Variants in CHRM3 observed in about 807,000 individuals in gnomAD.
CHRM3 encodes muscarinic acetylcholine receptor M3.
A neutral mutation model predicts 41.8 loss-of-function variants in CHRM3; 11 were observed. The ratio of observed to expected loss-of-function variants is 0.26; its 90% CI spans 0.17 to 0.44. The LOEUF is 0.44. CHRM3 is among the 20% of genes least tolerant of loss of function. The pLI is 1.00. For missense variants in CHRM3, 571 were observed against 745.4 expected (o/e 0.77, Z 2.72); for synonymous variants, 297 against 301.4 (o/e 0.99, Z 0.15).
chr1:239,607,345 T>C (rs942979712), intron 3 of CHRM3, among the ~76,000 whole-genome samples: 8 of 151,716 alleles, frequency 5.3e-5, no homozygotes, highest in African/African-American at 1.9e-4. Context: ...ACAAAAAAAA[T>C]GTTATTCTTT....
At chr1:239,400,209 G>A (rs890868143) in intron 1 of CHRM3, among the ~76,000 whole-genome samples, 10 of 152,140 alleles carry the variant, frequency 6.6e-5, no homozygotes, top group Admixed American at 2.0e-4. Context: ...ACTCTTGGCC[G>A]CTAGTTTTAT....
In CHRM3 at chr1:239,618,667, A is replaced by G. The variant is rs933163427; in HGVS notation, c.-312-13557A>G. 9.3e-5 allele frequency among the ~76,000 whole-genome samples: 14 copies of G among 150,628 alleles called. No individual in the cohort carries two copies. In the South Asian group the frequency reaches 1.0e-3, roughly 11 times the overall value. ...AGACCATCCTGGCTAACACGGTGAA[A>G]CCCCGTCTCTACTAAAAATACAAAA... On this transcript the variant is annotated intron_variant, in intron 3 of 6. Coordinates refer to ENST00000676153, the MANE Select transcript of CHRM3 (RefSeq NM_001375978.1).
chr1:239,706,681 C>T (rs1313906104), intron 5 of CHRM3, among the ~76,000 whole-genome samples: 4 of 151,160 alleles, frequency 2.6e-5, no homozygotes, highest in African/African-American at 9.8e-5. Flanking sequence ...TGTACACACA[C>T]GGAGGCATGC....
chr1:239,487,629 T>C (rs540403020), intron 1 of CHRM3, among the ~76,000 whole-genome samples: 150 of 152,216 alleles, frequency 9.9e-4, no homozygotes, highest in African/African-American at 3.5e-3. Flanking sequence ...TGTGAAAATG[T>C]CAATTCTTTA....
rs146450932 is a variant in CHRM3, at chr1:239,655,923, G to A, written c.-249-22263G>A. On this transcript the variant is annotated intron_variant, in intron 4 of 6. Coordinates refer to ENST00000676153, the MANE Select transcript of CHRM3 (RefSeq NM_001375978.1). ...ACTAATCCAGATTTCCATCAATGAT[G>A]GATTAGATAAATAAAACGTGGTACT... Among the ~76,000 whole-genome samples, 78 of 152,214 alleles carry A rather than the reference G, an allele frequency of 5.1e-4. No homozygotes were observed. In the East Asian group the frequency reaches 0.012, roughly 23 times the overall value.
chr1:239,742,660 A>G (rs946736631), intron 5 of CHRM3, among the ~76,000 whole-genome samples: 2 of 152,214 alleles, frequency 1.3e-5, no homozygotes, highest in African/African-American at 4.8e-5. Context: ...CAGGAAGAGC[A>G]GCAAACAAGT....
intron 6 of CHRM3, among the ~76,000 whole-genome samples, chr1:239,859,819 TTATATATATATATATATATATA>T (rs55700294): frequency 7.6e-6 from 1 of 131,424 alleles, no homozygotes; most frequent in African/African-American, 3.0e-5. Flanking sequence ...TCTAAGTGTT[TTATATATATATATATATATATA>T]TATATATATA....
At chr1:239,573,041 G>T (rs1454457227) in intron 3 of CHRM3, among the ~76,000 whole-genome samples, 4 of 152,052 alleles carry the variant, frequency 2.6e-5, no homozygotes, top group Admixed American at 2.6e-4. Context: ...CATTTGGAGG[G>T]TTTGGCCCTA....
intron 6 of CHRM3, among the ~76,000 whole-genome samples, chr1:239,889,457 C>CT (rs1024702121): frequency 6.6e-6 from 1 of 152,106 alleles, no homozygotes; most frequent in African/African-American, 2.4e-5. Context: ...CTAGGTAGCC[C>CT]TTTTCTATTG....
intron 3 of CHRM3, among the ~76,000 whole-genome samples, chr1:239,613,547 A>C (rs1667295871): frequency 6.6e-6 from 1 of 152,228 alleles, no homozygotes; most frequent in Non-Finnish European, 1.5e-5. Context: ...CACAGACAAA[A>C]AGGAGAAGCC....
intron 3 of CHRM3, among the ~76,000 whole-genome samples, chr1:239,584,108 C>CTTTTTTT (rs769127124): frequency 1.6e-5 from 2 of 124,424 alleles, no homozygotes; most frequent in African/African-American, 3.2e-5. Flanking sequence ...TCTTCTTCTT[C>CTTTTTTT]TTTTTTTTTT....
chr1:239,564,571 T>C (rs762674933), intron 3 of CHRM3, among the ~76,000 whole-genome samples: 25 of 152,326 alleles, frequency 1.6e-4, no homozygotes, highest in Non-Finnish European at 3.4e-4. Context: ...TTCAAAATAC[T>C]ACCTAAGGGT....
intron 3 of CHRM3, among the ~76,000 whole-genome samples, chr1:239,620,729 A>T: frequency 6.6e-6 from 1 of 152,140 alleles, no homozygotes; most frequent in East Asian, 1.9e-4. Context: ...TATAATAAGA[A>T]AAAGGAAGCA....
chr1:239,754,217 A>T (rs1666059837), intron 5 of CHRM3, among the ~76,000 whole-genome samples: 1 of 152,250 alleles, frequency 6.6e-6, no homozygotes, highest in Non-Finnish European at 1.5e-5. Flanking sequence ...AATGTATCTT[A>T]TGACCACAAT....
At chr1:239,531,639 ATTTTTTTTTTTTT>A (rs58433814) in intron 2 of CHRM3, among the ~76,000 whole-genome samples, 8 of 55,898 alleles carry the variant, frequency 1.4e-4, no homozygotes, top group South Asian at 9.3e-4. Flanking sequence ...TCTAGAATGG[ATTTTTTTTTTTTT>A]TTTTTTTTTT....
Position 239,573,691 on chromosome 1 carries a change from G to A in CHRM3, c.-313+27942G>A, listed in dbSNP as rs72756775. Among the ~76,000 whole-genome samples the A allele has an allele frequency of 9.9e-3, 1,506 of 151,640 alleles. 11 individuals are homozygous for A. Among genetic ancestry groups the A allele is most frequent in the South Asian group, 0.035 (168 of 4,796 alleles). ...GTACTCCAGCCAAGATCTTTAGCTC[G>A]TCCCAGGTCCCAGGGCAGATCTCTT... is the stretch of plus-strand genomic sequence containing the variant. On this transcript the variant is annotated intron_variant, in intron 3 of 6. Coordinates refer to ENST00000676153, the MANE Select transcript of CHRM3 (RefSeq NM_001375978.1).
chr1:239,659,499 CTCTG>C (rs1488083766), intron 4 of CHRM3, among the ~76,000 whole-genome samples: 10 of 152,190 alleles, frequency 6.6e-5, no homozygotes, highest in African/African-American at 2.4e-4. Context: ...AGGAAATATT[CTCTG>C]TCTGTACTAG....
intron 5 of CHRM3, among the ~76,000 whole-genome samples, chr1:239,696,273 C>G (rs539632875): frequency 6.6e-6 from 1 of 152,170 alleles, no homozygotes; most frequent in South Asian, 2.1e-4. Context: ...AATCTTATAT[C>G]AAGGCAAAAA....
chr1:239,679,904 A>C (rs1013416099), intron 5 of CHRM3, among the ~76,000 whole-genome samples: 2 of 152,078 alleles, frequency 1.3e-5, no homozygotes, highest in African/African-American at 4.8e-5. Flanking sequence ...GTCCGCTCTG[A>C]GCCCATAGGT....
Sources: allele counts gnomAD v4.1 joint callset (sites outside exome capture counted in the v4.1 genomes callset), GRCh38; gene constraint gnomAD v4.1.1; transcripts MANE v1.5; gene names NCBI Gene and HGNC (gene_info 2026-07-23, HGNC 2026-07-21).